The following THADA variants were observed in gnomAD, a reference collection of about 807,000 sequenced individuals.
THADA encodes the protein tRNA (32-2'-O)-methyltransferase regulator THADA.
THADA carries 213 observed loss-of-function variants against 219.8 expected under a neutral mutation model. That is an observed-to-expected ratio of 0.97 (90% CI 0.87 to 1.09). THADA has a LOEUF of 1.09. Ranked by LOEUF, THADA falls within the 50% of genes least tolerant of loss-of-function variation. THADA has a pLI of 0.00. For synonymous variants in THADA, 1,018 were observed against 828.9 expected (o/e 1.23, Z -3.92); for missense variants, 2,956 against 2,311.3 (o/e 1.28, Z -5.72).
intron 28 of THADA, among the ~76,000 whole-genome samples, chr2:43,406,252 G>A (rs1675518667): frequency 6.6e-6 from 1 of 152,220 alleles, no homozygotes; most frequent in African/African-American, 2.4e-5. Context: ...TTCCAACAGG[G>A]AGGGGTGAAG....
intron 31 of THADA, among the ~76,000 whole-genome samples, chr2:43,301,214 G>A (rs1026373209): frequency 6.6e-6 from 1 of 152,204 alleles, no homozygotes; most frequent in African/African-American, 2.4e-5. Context: ...GGAGTTTCAC[G>A]CAGAGCACGT....
chr2:43,566,617 C>T, intron 15 of THADA, 81 bp downstream of exon 15: 1 of 1,488,432 alleles, frequency 6.7e-7, no homozygotes, highest in Non-Finnish European at 9.3e-7. Context: ...AAAACTGAAA[C>T]TTCAAATAAA....
intron 29 of THADA, among the ~76,000 whole-genome samples, chr2:43,382,890 C>T (rs916270681): frequency 3.3e-5 from 5 of 152,066 alleles, no homozygotes; most frequent in African/African-American, 9.7e-5. Flanking sequence ...TACTATACCA[C>T]AAAAATGGCC....
intron 29 of THADA, among the ~76,000 whole-genome samples, chr2:43,360,651 C>T (rs965834229): frequency 1.3e-5 from 2 of 152,156 alleles, no homozygotes; most frequent in Non-Finnish European, 1.5e-5. Context: ...TTTGTTGAGT[C>T]GATAGCTGAA....
intron 26 of THADA, among the ~76,000 whole-genome samples, chr2:43,444,075 C>T (rs946349580): frequency 6.6e-6 from 1 of 152,170 alleles, no homozygotes; most frequent in African/African-American, 2.4e-5. Context: ...TATTCTAGCA[C>T]TATATGGTTA....
intron 19 of THADA, among the ~76,000 whole-genome samples, chr2:43,550,032 T>C (rs563830602): frequency 1.5e-4 from 23 of 152,350 alleles, no homozygotes; most frequent in African/African-American, 5.3e-4. Context: ...AGTTTCATTT[T>C]TATTCCCTAA....
intron 22 of THADA, among the ~76,000 whole-genome samples, chr2:43,526,637 A>G (rs1348342645): frequency 1.3e-5 from 2 of 152,174 alleles, no homozygotes; most frequent in African/African-American, 2.4e-5. Flanking sequence ...CAGGCTGGTA[A>G]TCAGTCCACA....
intron 24 of THADA, among the ~76,000 whole-genome samples, chr2:43,504,231 G>A (rs1219978613): frequency 6.6e-6 from 1 of 151,994 alleles, no homozygotes; most frequent in African/African-American, 2.4e-5. Flanking sequence ...ATTTTTGAAT[G>A]GTGATTAACA....
At chr2:43,354,567 T>G (rs1049677109) in intron 29 of THADA, among the ~76,000 whole-genome samples, 1 of 152,150 alleles carries the variant, frequency 6.6e-6, no homozygotes, top group African/African-American at 2.4e-5. Context: ...ATGAGTTCAA[T>G]TGTTTTAATT....
At chr2:43,262,847 A>G (rs1356181849) in intron 36 of THADA, among the ~76,000 whole-genome samples, 1 of 152,206 alleles carries the variant, frequency 6.6e-6, no homozygotes, top group African/African-American at 2.4e-5. Context: ...AGGCCCACAG[A>G]AACAGAATCT....
At chr2:43,325,161 C>T (rs541974363) in intron 30 of THADA, among the ~76,000 whole-genome samples, 2 of 152,198 alleles carry the variant, frequency 1.3e-5, no homozygotes, top group South Asian at 4.1e-4. Context: ...TTGGGAGAGG[C>T]ACAAGGCAGG....
intron 30 of THADA, 46 bp from the exon 31 acceptor site, chr2:43,320,586 T>G: frequency 6.9e-7 from 1 of 1,457,192 alleles, no homozygotes; most frequent in Non-Finnish European, 9.5e-7. Context: ...TTCTCTCCCT[T>G]AGGTCTGGGT....
At chr2:43,544,564 G>A (rs1298172253) in intron 20 of THADA, among the ~76,000 whole-genome samples, 1 of 151,950 alleles carries the variant, frequency 6.6e-6, no homozygotes, top group Non-Finnish European at 1.5e-5. Flanking sequence ...GCAGTGGTTT[G>A]TAGTTCTCCT....
At chr2:43,239,367 C>T (rs982380479) in intron 36 of THADA, among the ~76,000 whole-genome samples, 2 of 152,214 alleles carry the variant, frequency 1.3e-5, no homozygotes, top group African/African-American at 4.8e-5. Flanking sequence ...ACCCCCATCC[C>T]CCGCCCCCCA....
chr2:43,478,693 T>A (rs1685827654), intron 26 of THADA, among the ~76,000 whole-genome samples: 1 of 152,244 alleles, frequency 6.6e-6, no homozygotes. Context: ...GGCAATAGCC[T>A]GAAGCAGTAC....
intron 26 of THADA, among the ~76,000 whole-genome samples, chr2:43,483,770 T>C (rs1258000371): frequency 6.6e-6 from 1 of 151,294 alleles, no homozygotes; most frequent in South Asian, 2.1e-4. Flanking sequence ...TATATATTTA[T>C]ATATATATTC....
intron 29 of THADA, among the ~76,000 whole-genome samples, chr2:43,380,698 G>C (rs1671906465): frequency 6.6e-6 from 1 of 152,128 alleles, no homozygotes; most frequent in Admixed American, 6.5e-5. Context: ...TCTTGGTTTC[G>C]AATACCATTC....
chr2:43,261,964 G>A (rs1558483178), intron 36 of THADA, among the ~76,000 whole-genome samples: 1 of 152,112 alleles, frequency 6.6e-6, no homozygotes, highest in Non-Finnish European at 1.5e-5. Flanking sequence ...TAGAGATGGG[G>A]CTTTGCCACG....
chr2:43,585,346 C>CAAAAAA (rs34682195), intron 7 of THADA, among the ~76,000 whole-genome samples: 1 of 95,364 alleles, frequency 1.0e-5, no homozygotes, highest in Admixed American at 1.3e-4. Flanking sequence ...CTCATTCCTA[C>CAAAAAA]AAAAAAAAAA....
Sources: gnomAD v4.1 joint callset for allele counts (sites outside exome capture counted in the v4.1 genomes callset) on GRCh38, gnomAD v4.1.1 for gene constraint, MANE v1.5 for transcripts, NCBI Gene and HGNC (gene_info 2026-07-23, HGNC 2026-07-21) for gene names.